Variants in IL23R observed in about 807,000 individuals in gnomAD.
The protein encoded by IL23R is interleukin 23 receptor, also known as interleukin-23 receptor.
In IL23R, 34 loss-of-function variants were observed where a neutral mutation model predicts 56.9. That is an observed-to-expected ratio of 0.60 (90% CI 0.45 to 0.80). The LOEUF (loss-of-function observed/expected upper bound fraction) is 0.80. IL23R is among the 30% of genes least tolerant of loss of function. The probability of loss-of-function intolerance (pLI) is 0.00; values close to 1 mark genes in which losing one functional copy is unlikely to be tolerated. For missense variants in IL23R, 635 were observed against 730.0 expected (o/e 0.87, Z 1.50); for synonymous variants, 230 against 249.2 (o/e 0.92, Z 0.73).
chr1:67,228,064 TGTCTCTC>T (rs1396398782), intron 7 of IL23R, among the ~76,000 whole-genome samples: 4 of 96,980 alleles, frequency 4.1e-5, no homozygotes, highest in Admixed American at 2.5e-4. Context: ...TTTCTTTCTC[TGTCTCTC>T]TCTTTCTTTC....
chr1:67,165,204 G>C (rs777209859), upstream of IL23R, among the ~76,000 whole-genome samples: 16 of 152,092 alleles, frequency 1.1e-4, no homozygotes, highest in Admixed American at 6.6e-5. Flanking sequence ...GCAAGACTCT[G>C]TCTCAAAACA....
upstream of IL23R, among the ~76,000 whole-genome samples, chr1:67,161,681 G>A (rs1323959090): frequency 6.6e-6 from 1 of 151,940 alleles, no homozygotes; most frequent in Non-Finnish European, 1.5e-5. Flanking sequence ...AGGCTGGAGT[G>A]CTGTGGCGCG....
intron 1 of IL23R, among the ~76,000 whole-genome samples, chr1:67,141,151 A>C (rs1226903549): frequency 6.6e-6 from 1 of 152,240 alleles, no homozygotes; most frequent in Non-Finnish European, 1.5e-5. Flanking sequence ...TTATACACAG[A>C]ATGATTCTTT....
At chr1:67,258,403 C>G in intron 10 of IL23R, 75 bp from the exon 11 acceptor site, 2 of 1,155,766 alleles carry the variant, frequency 1.7e-6, no homozygotes, top group East Asian at 4.7e-5. Context: ...AAGCAAAATT[C>G]CTATCCTCAT....
intron 1 of IL23R, among the ~76,000 whole-genome samples, chr1:67,167,234 C>A (rs1290264823): frequency 6.6e-6 from 1 of 152,120 alleles, no homozygotes; most frequent in African/African-American, 2.4e-5. Flanking sequence ...CCACACTGGG[C>A]TAATTTTTGT....
chr1:67,148,141 C>T (rs909988874), intron 1 of IL23R, among the ~76,000 whole-genome samples: 5 of 152,262 alleles, frequency 3.3e-5, no homozygotes, highest in South Asian at 4.1e-4. Context: ...CGATCCGCAG[C>T]GGCGATGGGC....
At chr1:67,171,949 G>A (rs1646949466) in intron 3 of IL23R, among the ~76,000 whole-genome samples, 1 of 152,170 alleles carries the variant, frequency 6.6e-6, no homozygotes, top group African/African-American at 2.4e-5. Flanking sequence ...TCCTCTTCCA[G>A]GACAGCCTAA....
At chr1:67,148,333 C>T (rs1459707485) in intron 1 of IL23R, among the ~76,000 whole-genome samples, 1 of 152,240 alleles carries the variant, frequency 6.6e-6, no homozygotes. Context: ...GAAAACAGAG[C>T]TCCCATAGAA....
intron 1 of IL23R, among the ~76,000 whole-genome samples, chr1:67,151,352 C>T (rs866242133): frequency 1.2e-4 from 18 of 152,182 alleles, no homozygotes; most frequent in Middle Eastern, 6.8e-3. Context: ...GATATTAGAC[C>T]TTTGTCAGAT....
Position 67,183,062 on chromosome 1 carries a change from T to G in IL23R, c.491+103T>G. 3.2e-6 allele frequency: 4 copies of G among 1,269,274 alleles called. No individual in the cohort carries two copies. In the South Asian group the frequency reaches 5.0e-5, roughly 16 times the overall value. 78.6% of individuals were successfully genotyped at this position (1,269,274 alleles called of 1,614,324 possible). On this transcript the variant is annotated intron_variant, in intron 4 of 10. Transcript: ENST00000347310. ...AGAAATCAGCCTCAAACATTAAATA[T>G]ATACCCTGATTTATCCCTTATTTCC...
At chr1:67,163,461 C>T (rs1418988092), upstream of IL23R, among the ~76,000 whole-genome samples, 1 of 82,456 alleles carries the variant, frequency 1.2e-5, no homozygotes, top group Non-Finnish European at 2.1e-5. Context: ...AGAGCAAGAC[C>T]CTGTCTCAAA....
rs111552541 is a variant in IL23R at position 67,211,880 on chromosome 1, G to A, written c.798+4825G>A. On this transcript the variant is annotated intron_variant, in intron 6 of 10. Coordinates refer to ENST00000347310, the MANE Select transcript of IL23R (RefSeq NM_144701.3). ...CTCTTTATCAGAAGTGGCAAATAGA[G>A]TAGAAAGAATATTTGTTATCTCATA... is the stretch of plus-strand genomic sequence containing the variant. 2.9e-3 allele frequency among the ~76,000 whole-genome samples: 435 copies of A among 152,198 alleles called. 2 individuals are homozygous for A. The highest frequency in any genetic ancestry group is 6.8e-3 in the Middle Eastern group (2 of 294).
At chr1:67,190,639 A>T (rs888537913) in intron 4 of IL23R, among the ~76,000 whole-genome samples, 4 of 152,332 alleles carry the variant, frequency 2.6e-5, no homozygotes, top group Admixed American at 6.5e-5. Flanking sequence ...CATTCAAGTC[A>T]TCTTAGCAAA....
chr1:67,146,719 A>T (rs1194805597), intron 1 of IL23R, among the ~76,000 whole-genome samples: 1 of 152,222 alleles, frequency 6.6e-6, no homozygotes, highest in Non-Finnish European at 1.5e-5. Flanking sequence ...ACCCTACCAG[A>T]TCTTTAGACA....
intron 4 of IL23R, among the ~76,000 whole-genome samples, chr1:67,186,474 G>A (rs929989904): frequency 3.3e-5 from 5 of 151,896 alleles, no homozygotes; most frequent in African/African-American, 1.2e-4. Context: ...TCACATCCAT[G>A]AGCAGTCACT....
chr1:67,239,616 CT>C (rs1185220839), intron 8 of IL23R, among the ~76,000 whole-genome samples: 1 of 152,012 alleles, frequency 6.6e-6, no homozygotes, highest in Non-Finnish European at 1.5e-5. Context: ...ATTTTGATTT[CT>C]TTTTTATTTT....
intron 6 of IL23R, among the ~76,000 whole-genome samples, chr1:67,210,880 AT>A (rs1205781333): frequency 2.6e-5 from 4 of 152,146 alleles, no homozygotes; most frequent in African/African-American, 9.7e-5. Context: ...ACATAACTTA[AT>A]TTTTCTTTGG....
intron 3 of IL23R, among the ~76,000 whole-genome samples, chr1:67,174,627 C>T (rs920281495): frequency 6.6e-6 from 1 of 151,932 alleles, no homozygotes; most frequent in Non-Finnish European, 1.5e-5. Flanking sequence ...AAGAGAGCCA[C>T]ACCTGAAAAG....
chr1:67,172,960 A>G (rs546531658), intron 3 of IL23R, among the ~76,000 whole-genome samples: 1 of 152,326 alleles, frequency 6.6e-6, no homozygotes, highest in East Asian at 1.9e-4. Context: ...AGTACAAAGA[A>G]GAGGAAATCA....
Sources: allele counts gnomAD v4.1 joint callset (sites outside exome capture counted in the v4.1 genomes callset), GRCh38; gene constraint gnomAD v4.1.1; transcripts MANE v1.5; gene names NCBI Gene and HGNC (gene_info 2026-07-23, HGNC 2026-07-21).